The following GABBR2 variants were observed in gnomAD, a reference collection of about 807,000 sequenced individuals.
GABBR2 encodes G-protein coupled receptor 51.
A neutral mutation model predicts 105.6 loss-of-function variants in GABBR2; 23 were observed. The ratio of observed to expected loss-of-function variants is 0.22; its 90% CI spans 0.16 to 0.31. The LOEUF (loss-of-function observed/expected upper bound fraction) is 0.31, where lower values mean the gene tolerates loss of function less well. Ranked by LOEUF, GABBR2 falls within the 10% of genes least tolerant of loss-of-function variation. The pLI is 1.00. For synonymous variants in GABBR2, 478 were observed against 499.7 expected, an observed-to-expected ratio of 0.96 and a Z score of 0.58; for missense variants, 734 against 1,245.5, an observed-to-expected ratio of 0.59 and a Z score of 6.18.
At position 98,299,320 on chromosome 9, in the gene GABBR2, G is replaced by C. The variant is rs1230301755; in HGVS notation, c.2446C>G (p.Leu816Val). The C allele has an allele frequency of 1.9e-6, 3 of 1,613,616 alleles. No individual in the cohort carries two copies. The highest frequency in any genetic ancestry group is 2.5e-6 in the Non-Finnish European group (3 of 1,179,684). ...GTGGTCTTTTCTGGTGTGTCCTGCA[G>C]CTGCATGGTGACCTCTTCCAAGTCT... ...DKDLEEVTMQ[L>V]QDTPEKTTYI... is the part of the protein sequence containing the mutation. Residue 816 changes from leucine to valine, a missense_variant, in exon 17 of 19, where the codon CTG (leucine) becomes GTG (valine). Around this residue, in one of 7 missense-constraint regions of GABBR2, gnomAD observed 134 missense variants for 171.2 expected, o/e 0.78. Coordinates refer to ENST00000259455, the MANE Select transcript of GABBR2 (RefSeq NM_005458.8).
chr9:98,377,809 A>G lies in GABBR2; in HGVS notation c.1663-6238T>C, dbSNP rs1889982. 7.1e-3 allele frequency among the ~76,000 whole-genome samples: 1,080 copies of G among 152,222 alleles called. 14 individuals are homozygous for G. Among genetic ancestry groups the G allele is most frequent in the African/African-American group, 0.025 (1,025 of 41,526 alleles). On this transcript the variant is annotated intron_variant, in intron 11 of 18. Transcript: ENST00000259455. ...GGGAGGCCACTGTCATCAAGCGGGC[A>G]TCTGTACCCCATCCAGGACTCCAGT...
intron 14 of GABBR2, among the ~76,000 whole-genome samples, chr9:98,310,170 C>G (rs924796486): frequency 6.6e-6 from 1 of 152,248 alleles, no homozygotes; most frequent in East Asian, 1.9e-4. Flanking sequence ...AAGGATCAAC[C>G]TGGGCTGAAA....
chr9:98,560,535 C>T (rs541188572), intron 2 of GABBR2, among the ~76,000 whole-genome samples: 7 of 151,422 alleles, frequency 4.6e-5, no homozygotes, highest in Non-Finnish European at 1.0e-4. Flanking sequence ...CACACACAGG[C>T]GCATTCACAA....
At chr9:98,376,214 T>C (rs1479478609) in intron 11 of GABBR2, among the ~76,000 whole-genome samples, 1 of 152,210 alleles carries the variant, frequency 6.6e-6, no homozygotes, top group Non-Finnish European at 1.5e-5. Context: ...GCTTGCTCCA[T>C]TGATTTCATG....
Position 98,406,069 on chromosome 9 carries a change from CA to C in GABBR2, c.1297+11del. 6.8e-7 allele frequency: 1 copy of C among 1,463,316 alleles called. No homozygotes were observed. The allele number at this position is 1,463,316 out of a possible 1,614,324, so 90.6% of individuals were successfully genotyped here. On this transcript the variant is annotated intron_variant, in intron 8 of 18. Transcript: ENST00000259455. ...TTTATCAGCTAGAAAGAATAAGCAT[CA>C]AAATGCCTACCTTGAAATTGAGTAA...
At chr9:98,616,769 G>C (rs1588254279) in intron 1 of GABBR2, among the ~76,000 whole-genome samples, 1 of 149,962 alleles carries the variant, frequency 6.7e-6, no homozygotes, top group South Asian at 2.1e-4. Flanking sequence ...AAAAAAGAAA[G>C]AAAAGTCTTC....
At chr9:98,649,245 T>C (rs1830072034) in intron 1 of GABBR2, among the ~76,000 whole-genome samples, 1 of 152,232 alleles carries the variant, frequency 6.6e-6, no homozygotes, top group Non-Finnish European at 1.5e-5. Context: ...GTATTCTTTT[T>C]TCAGAAAGAT....
intron 1 of GABBR2, among the ~76,000 whole-genome samples, chr9:98,678,429 G>C (rs1830501431): frequency 1.3e-5 from 2 of 152,300 alleles, no homozygotes; most frequent in African/African-American, 4.8e-5. Flanking sequence ...CCTGCGAGGT[G>C]CTTCGCTGGA....
chr9:98,427,513 G>C (rs1825719010), intron 7 of GABBR2, among the ~76,000 whole-genome samples: 1 of 152,194 alleles, frequency 6.6e-6, no homozygotes, highest in African/African-American at 2.4e-5. Flanking sequence ...CAGGGTCTTT[G>C]ATAACCACAC....
chr9:98,306,447 GCTGCA>G lies in GABBR2; in HGVS notation c.2005-107_2005-103del. 1.5e-6 allele frequency: 1 copy of G among 684,776 alleles called. No homozygotes were observed. Among genetic ancestry groups the G allele is most frequent in the Non-Finnish European group, 2.6e-6 (1 of 381,592 alleles). 42.4% of individuals were successfully genotyped at this position (684,776 alleles called of 1,614,324 possible). ...GAGTGGAGGGTTACTCAGGAGGTGG[GCTGCA>G]GGGAGGGAGGGTCGGGGGCCTTGCT... On this transcript the variant is annotated intron_variant, in intron 14 of 18. Transcript: ENST00000259455. The surrounding 1 kb of genome is among the most constrained non-coding windows in gnomAD (Gnocchi z 5.4).
chr9:98,538,992 C>T (rs1029043206), intron 3 of GABBR2, among the ~76,000 whole-genome samples: 1 of 152,222 alleles, frequency 6.6e-6, no homozygotes, highest in Non-Finnish European at 1.5e-5. Context: ...AGGTTTCCCA[C>T]TGAGATGCCC....
At chr9:98,311,836 C>A (rs1241148228) in intron 13 of GABBR2, among the ~76,000 whole-genome samples, 1 of 152,218 alleles carries the variant, frequency 6.6e-6, no homozygotes, top group Non-Finnish European at 1.5e-5. Flanking sequence ...TTTCCTCCTA[C>A]AAAGTGCTCT....
chr9:98,637,573 C>T (rs949671271), intron 1 of GABBR2, among the ~76,000 whole-genome samples: 3 of 152,066 alleles, frequency 2.0e-5, no homozygotes, highest in Non-Finnish European at 4.4e-5. Flanking sequence ...TAATTACAAG[C>T]ATCCTTAAAA....
intron 7 of GABBR2, among the ~76,000 whole-genome samples, chr9:98,444,887 A>G (rs1038466130): frequency 3.3e-5 from 5 of 152,010 alleles, no homozygotes; most frequent in African/African-American, 1.2e-4. Flanking sequence ...GCGCACACAC[A>G]CACACACACA....
chr9:98,525,329 T>TA (rs1827936936), intron 3 of GABBR2, among the ~76,000 whole-genome samples: 1 of 151,986 alleles, frequency 6.6e-6, no homozygotes, highest in African/African-American at 2.4e-5. Context: ...ACAACCCAAT[T>TA]AAAAATTGGA....
intron 1 of GABBR2, among the ~76,000 whole-genome samples, chr9:98,643,227 T>A (rs997228344): frequency 6.6e-6 from 1 of 152,206 alleles, no homozygotes; most frequent in Non-Finnish European, 1.5e-5. Context: ...TGCTGTGAGA[T>A]CCTAGCAGAG....
chr9:98,352,483 G>C (rs965737196), intron 13 of GABBR2, among the ~76,000 whole-genome samples: 16 of 152,196 alleles, frequency 1.1e-4, no homozygotes, highest in Non-Finnish European at 2.2e-4. Context: ...ATGGATGCCA[G>C]TCATGGGCAG....
intron 4 of GABBR2, among the ~76,000 whole-genome samples, chr9:98,481,523 G>T (rs1826922508): frequency 6.6e-6 from 1 of 152,134 alleles, no homozygotes. Flanking sequence ...AATCCCTCAA[G>T]AAATTCCTGG....
At chr9:98,433,098 A>G (rs1288574243) in intron 7 of GABBR2, among the ~76,000 whole-genome samples, 1 of 152,222 alleles carries the variant, frequency 6.6e-6, no homozygotes, top group Non-Finnish European at 1.5e-5. Context: ...TTACTGAAGC[A>G]GCTCTTCATA....
Sources: gnomAD v4.1 joint callset for allele counts (sites outside exome capture counted in the v4.1 genomes callset) on GRCh38, gnomAD v4.1.1 for gene constraint, gnomAD v4.1.1 regional missense constraint, Gnocchi (gnomAD v3.1) non-coding constraint, MANE v1.5 for transcripts, NCBI Gene and HGNC (gene_info 2026-07-23, HGNC 2026-07-21) for gene names.